The following TRAPPC9 variants were observed in gnomAD, a reference collection of about 807,000 sequenced individuals.
TRAPPC9 encodes the protein IKK2 binding protein.
A neutral mutation model predicts 124.0 loss-of-function variants in TRAPPC9; 83 were observed. The observed-to-expected ratio is 0.67, with a 90% confidence interval of 0.56 to 0.80. TRAPPC9 has a LOEUF of 0.80. TRAPPC9 is among the 30% of genes least tolerant of loss of function. The pLI is 0.00. For synonymous variants in TRAPPC9, 638 were observed against 617.5 expected (o/e 1.03, Z -0.49); for missense variants, 1,302 against 1,508.3 (o/e 0.86, Z 2.27).
chr8:139,758,396 A>T (rs896973564), intron 21 of TRAPPC9, among the ~76,000 whole-genome samples: 1 of 152,324 alleles, frequency 6.6e-6, no homozygotes, highest in Admixed American at 6.5e-5. Flanking sequence ...CTAAAGCTGA[A>T]CTTGGCTCAC....
intron 19 of TRAPPC9, among the ~76,000 whole-genome samples, chr8:139,940,953 T>C (rs552341408): frequency 1.3e-5 from 2 of 152,258 alleles, no homozygotes; most frequent in East Asian, 3.9e-4. Flanking sequence ...GTAAAGTGCA[T>C]AAGCCGGGCA....
intron 21 of TRAPPC9, among the ~76,000 whole-genome samples, chr8:139,753,864 C>T (rs996398076): frequency 2.6e-5 from 4 of 152,212 alleles, no homozygotes; most frequent in Admixed American, 1.3e-4. Context: ...CCTCTCCTCG[C>T]CTGTGTTGTG....
At chr8:139,910,076 G>A (rs1275177768) in intron 20 of TRAPPC9, 71 bp downstream of exon 20, 9 of 1,569,302 alleles carry the variant, frequency 5.7e-6, no homozygotes, top group East Asian at 4.5e-5. Flanking sequence ...AGACCCTCAC[G>A]GGTCTTTCTT....
chr8:139,945,973 AT>A (rs1217455705), intron 19 of TRAPPC9, among the ~76,000 whole-genome samples: 1 of 152,254 alleles, frequency 6.6e-6, no homozygotes, highest in Non-Finnish European at 1.5e-5. Flanking sequence ...CACCACCTAG[AT>A]TTAACTTTGC....
At chr8:140,276,928 C>T (rs1381749977) in intron 14 of TRAPPC9, among the ~76,000 whole-genome samples, 1 of 152,144 alleles carries the variant, frequency 6.6e-6, no homozygotes, top group African/African-American at 2.4e-5. Context: ...CTTGAGCCAA[C>T]ATCGTGTGCT....
At chr8:140,173,741 C>T (rs2062010930) in intron 17 of TRAPPC9, among the ~76,000 whole-genome samples, 1 of 152,140 alleles carries the variant, frequency 6.6e-6, no homozygotes, top group Non-Finnish European at 1.5e-5. Context: ...ATGGCATAAA[C>T]TTAGCTATCC....
chr8:139,843,341 T>C, intron 21 of TRAPPC9, among the ~76,000 whole-genome samples: 1 of 152,144 alleles, frequency 6.6e-6, no homozygotes, highest in East Asian at 1.9e-4. Flanking sequence ...GGCTCACTGC[T>C]CTCTGGGACT....
intron 21 of TRAPPC9, among the ~76,000 whole-genome samples, chr8:139,732,577 C>G (rs1417186168): frequency 2.6e-5 from 4 of 152,194 alleles, no homozygotes; most frequent in Admixed American, 2.0e-4. Flanking sequence ...CCTACAGGCC[C>G]TAAAGTGCCG....
chr8:139,823,310 G>A (rs1825382989), intron 21 of TRAPPC9, among the ~76,000 whole-genome samples: 1 of 152,092 alleles, frequency 6.6e-6, no homozygotes, highest in African/African-American at 2.4e-5. Flanking sequence ...GTGATTTTAA[G>A]TGGGGGAAGC....
At chr8:139,959,117 C>CGGGGG (rs1835210094) in intron 19 of TRAPPC9, among the ~76,000 whole-genome samples, 3 of 152,104 alleles carry the variant, frequency 2.0e-5, no homozygotes, top group East Asian at 3.9e-4. Context: ...CCGAGTCACA[C>CGGGGG]AGGGGACTGG....
At chr8:140,274,228 A>G (rs56350727) in intron 15 of TRAPPC9, among the ~76,000 whole-genome samples, 30,701 of 152,110 alleles carry the variant, frequency 0.2, 3,470 homozygotes, top group Middle Eastern at 0.37. Context: ...GGAAAAAAAA[A>G]ACCCACAGAA....
intron 21 of TRAPPC9, 116 bp downstream of exon 21, chr8:139,885,763 C>G (rs1587095739): frequency 1.0e-6 from 1 of 1,004,204 alleles, no homozygotes; most frequent in Non-Finnish European, 1.5e-6. Context: ...CCGTGATGAC[C>G]TTCAGTACCC....
intron 6 of TRAPPC9, among the ~76,000 whole-genome samples, chr8:140,404,172 G>A (rs1475662089): frequency 6.6e-6 from 1 of 152,142 alleles, no homozygotes; most frequent in Non-Finnish European, 1.5e-5. Context: ...GAGGAATTTG[G>A]AGAGTAACTT....
chr8:139,905,284 G>T (rs927151732), intron 20 of TRAPPC9, among the ~76,000 whole-genome samples: 32 of 152,308 alleles, frequency 2.1e-4, no homozygotes, highest in Admixed American at 1.7e-3. Context: ...TCAGCAGGCT[G>T]ATGTGGGCAA....
intron 5 of TRAPPC9, among the ~76,000 whole-genome samples, chr8:140,421,431 C>T (rs1198742349): frequency 6.6e-6 from 1 of 152,140 alleles, no homozygotes; most frequent in African/African-American, 2.4e-5. Context: ...ACGTCTAAGA[C>T]ATCTAAAAGC....
intron 9 of TRAPPC9, among the ~76,000 whole-genome samples, chr8:140,357,318 A>T (rs2067782769): frequency 6.6e-6 from 1 of 152,030 alleles, no homozygotes. Context: ...GAAGTTCAAG[A>T]TGCAGCAGAC....
At chr8:140,050,635 C>G (rs1330367447) in intron 17 of TRAPPC9, among the ~76,000 whole-genome samples, 2 of 152,298 alleles carry the variant, frequency 1.3e-5, no homozygotes, top group African/African-American at 2.4e-5. Context: ...TCCTCATCCC[C>G]AGCACCTCCA....
intron 21 of TRAPPC9, among the ~76,000 whole-genome samples, chr8:139,767,703 C>T (rs188173170): frequency 6.6e-6 from 1 of 152,348 alleles, no homozygotes; most frequent in African/African-American, 2.4e-5. Flanking sequence ...ACAAGCACTT[C>T]ATCAAAGAAG....
At chr8:140,378,336 AC>A (rs1283776213) in intron 7 of TRAPPC9, among the ~76,000 whole-genome samples, 1 of 152,168 alleles carries the variant, frequency 6.6e-6, no homozygotes, top group African/African-American at 2.4e-5. Context: ...GCAGACCCAC[AC>A]TTCATCTGCT....
Sources: gnomAD v4.1 joint callset for allele counts (sites outside exome capture counted in the v4.1 genomes callset) on GRCh38, gnomAD v4.1.1 for gene constraint, MANE v1.5 for transcripts, NCBI Gene and HGNC (gene_info 2026-07-23, HGNC 2026-07-21) for gene names.